Variants in CACNA2D3 observed in about 807,000 individuals in gnomAD.
CACNA2D3 encodes the protein calcium voltage-gated channel auxiliary subunit alpha2delta 3.
CACNA2D3 carries 60 observed loss-of-function variants against 160.6 expected under a neutral mutation model. That is an observed-to-expected ratio of 0.37 (90% CI 0.30 to 0.46). The LOEUF (loss-of-function observed/expected upper bound fraction) is 0.46, where lower values mean the gene tolerates loss of function less well. CACNA2D3 is among the 20% of genes least tolerant of loss of function. The pLI is 1.00. For missense variants in CACNA2D3, 1,205 were observed against 1,365.0 expected (o/e 0.88, Z 1.85); for synonymous variants, 558 against 492.9 (o/e 1.13, Z -1.75).
intron 27 of CACNA2D3, among the ~76,000 whole-genome samples, chr3:54,925,510 G>C (rs9848491): frequency 0.027 from 4,073 of 152,086 alleles, 178 homozygotes; most frequent in African/African-American, 0.093. Context: ...CAAATAGAAG[G>C]GTGAAAAAAA....
chr3:54,220,774 G>A (rs1421138179), intron 2 of CACNA2D3, among the ~76,000 whole-genome samples: 1 of 152,168 alleles, frequency 6.6e-6, no homozygotes, highest in Non-Finnish European at 1.5e-5. Context: ...CTTCTTCCCT[G>A]TCTTCTCTCC....
chr3:54,264,398 A>G (rs1043165250), intron 2 of CACNA2D3, among the ~76,000 whole-genome samples: 44 of 152,242 alleles, frequency 2.9e-4, no homozygotes, highest in Non-Finnish European at 5.7e-4. Flanking sequence ...GGTTAAGGAC[A>G]GAAGGAAGTG....
chr3:54,706,794 G>T (rs1413268187), intron 11 of CACNA2D3, among the ~76,000 whole-genome samples: 5 of 152,174 alleles, frequency 3.3e-5, no homozygotes, highest in Admixed American at 6.5e-5. Flanking sequence ...TGCACTGACT[G>T]TGCCAGAATC....
chr3:54,478,100 A>G (rs1344986082), intron 4 of CACNA2D3, among the ~76,000 whole-genome samples: 1 of 152,044 alleles, frequency 6.6e-6, no homozygotes, highest in Non-Finnish European at 1.5e-5. Context: ...TTCTATTTTT[A>G]TGATTTCTTT....
intron 8 of CACNA2D3, among the ~76,000 whole-genome samples, chr3:54,570,679 A>G (rs922869810): frequency 2.0e-5 from 3 of 152,026 alleles, no homozygotes; most frequent in African/African-American, 7.2e-5. Flanking sequence ...CAGCAAGTCT[A>G]GGAGGTAGGG....
chr3:54,824,262 A>G (rs937319987), intron 14 of CACNA2D3, among the ~76,000 whole-genome samples: 2 of 152,196 alleles, frequency 1.3e-5, no homozygotes, highest in South Asian at 4.1e-4. Context: ...AGATGCTTAG[A>G]GCGACATTGA....
At chr3:54,924,733 C>T (rs111954555) in intron 27 of CACNA2D3, 8 of 1,614,168 alleles carry the variant, frequency 5.0e-6, no homozygotes, top group African/African-American at 4.0e-5. Context: ...TCCAGGAGCG[C>T]TCGATCAAGC....
chr3:54,430,120 G>C (rs750388064), intron 4 of CACNA2D3, among the ~76,000 whole-genome samples: 1 of 152,198 alleles, frequency 6.6e-6, no homozygotes, highest in Non-Finnish European at 1.5e-5. Context: ...TTATGTCCTT[G>C]CTGCGCAACT....
chr3:54,298,971 A>AAG (rs1250393816), intron 2 of CACNA2D3, among the ~76,000 whole-genome samples: 1 of 78,364 alleles, frequency 1.3e-5, no homozygotes, highest in Non-Finnish European at 2.9e-5. Context: ...AAAAAAAAAA[A>AAG]AAGAAGAAGA....
At chr3:54,247,183 G>A (rs1359216234) in intron 2 of CACNA2D3, among the ~76,000 whole-genome samples, 2 of 152,126 alleles carry the variant, frequency 1.3e-5, no homozygotes, top group African/African-American at 4.8e-5. Context: ...GGTGGTGCAT[G>A]CCTGTAATCC....
intron 2 of CACNA2D3, among the ~76,000 whole-genome samples, chr3:54,271,290 C>G (rs79688950): frequency 0.035 from 5,257 of 152,204 alleles, 121 homozygotes; most frequent in South Asian, 0.11. Context: ...GCCTTCCGCT[C>G]ACAGACCTTG....
chr3:54,810,567 G>A (rs1229207110), intron 13 of CACNA2D3, among the ~76,000 whole-genome samples: 1 of 152,214 alleles, frequency 6.6e-6, no homozygotes, highest in African/African-American at 2.4e-5. Context: ...ATTCATTCAT[G>A]AGGCCCGAGG....
chr3:54,634,212 A>C (rs144492614), intron 10 of CACNA2D3, among the ~76,000 whole-genome samples: 10 of 152,262 alleles, frequency 6.6e-5, no homozygotes, highest in Non-Finnish European at 1.2e-4. Context: ...GTCATGGTTC[A>C]ATAGATTGAA....
At chr3:55,065,349 C>G (rs1704609956) in intron 35 of CACNA2D3, among the ~76,000 whole-genome samples, 1 of 152,042 alleles carries the variant, frequency 6.6e-6, no homozygotes, top group East Asian at 1.9e-4. Context: ...AGTTGGCTGG[C>G]ACTAATTTAA....
At chr3:54,165,971 A>C (rs1206375095) in intron 2 of CACNA2D3, among the ~76,000 whole-genome samples, 1 of 152,200 alleles carries the variant, frequency 6.6e-6, no homozygotes, top group Non-Finnish European at 1.5e-5. Flanking sequence ...GAAGTGTGCC[A>C]TCCAGAGAAA....
intron 12 of CACNA2D3, among the ~76,000 whole-genome samples, chr3:54,759,882 A>G (rs1702048090): frequency 6.6e-6 from 1 of 152,132 alleles, no homozygotes; most frequent in Non-Finnish European, 1.5e-5. Flanking sequence ...ATGAACCTGG[A>G]TTCGAATTCA....
At chr3:54,835,666 A>G (rs985712906) in intron 14 of CACNA2D3, among the ~76,000 whole-genome samples, 2 of 152,208 alleles carry the variant, frequency 1.3e-5, no homozygotes, top group East Asian at 1.9e-4. Flanking sequence ...AAGTGTCCAA[A>G]TATCAGAAAA....
intron 11 of CACNA2D3, among the ~76,000 whole-genome samples, chr3:54,682,831 C>G (rs1253670896): frequency 6.6e-6 from 1 of 152,106 alleles, no homozygotes; most frequent in Admixed American, 6.5e-5. Context: ...TTGGAGAGAT[C>G]AAGTGGAGAC....
chr3:54,231,877 G>A (rs993673019), intron 2 of CACNA2D3, among the ~76,000 whole-genome samples: 4 of 152,110 alleles, frequency 2.6e-5, no homozygotes, highest in Non-Finnish European at 5.9e-5. Flanking sequence ...CCTGGGGCAG[G>A]GTGGGAGGGG....
Sources: gnomAD v4.1 joint callset for allele counts (sites outside exome capture counted in the v4.1 genomes callset) on GRCh38, gnomAD v4.1.1 for gene constraint, MANE v1.5 for transcripts, NCBI Gene and HGNC (gene_info 2026-07-23, HGNC 2026-07-21) for gene names.